The following ZNF385D variants were observed in gnomAD, a reference collection of about 807,000 sequenced individuals.
The protein encoded by ZNF385D is zinc finger protein 385D.
Under a neutral mutation model 35.8 loss-of-function variants are expected in ZNF385D, and 15 were observed. The ratio of observed to expected loss-of-function variants is 0.42; its 90% confidence interval spans 0.28 to 0.64. The LOEUF (loss-of-function observed/expected upper bound fraction) is 0.64, where lower values mean the gene tolerates loss of function less well. ZNF385D is among the 30% of genes least tolerant of loss of function. The probability of loss-of-function intolerance (pLI) is 0.23; values close to 1 mark genes in which losing one functional copy is unlikely to be tolerated. For missense variants in ZNF385D, 474 were observed against 494.6 expected (o/e 0.96, Z 0.39); for synonymous variants, 212 against 186.8 (o/e 1.13, Z -1.10).
In ZNF385D at chr3:21,413,403, A is replaced by C. The variant is rs1023546916; in HGVS notation, c.*7811T>G. On this transcript the variant is annotated 3_prime_UTR_variant, in exon 8 of 8. Transcript: ENST00000281523. ...AAGGTGGCATCACTGTGGCTGACCA[A>C]TGATTCGGAATCTCACATTGGTGTG... The C allele has an allele frequency of 1.3e-5, 2 of 152,126 alleles. No individual in the cohort carries two copies. The highest frequency in any genetic ancestry group is 2.9e-5 in the Non-Finnish European group (2 of 67,982). 9.4% of individuals were successfully genotyped at this position (152,126 alleles called of 1,614,324 possible).
chr3:22,362,061 T>G (rs974815626), intron 2 of ZNF385D, among the ~76,000 whole-genome samples: 6 of 151,416 alleles, frequency 4.0e-5, no homozygotes, highest in Admixed American at 2.6e-4. Context: ...AATATGGATG[T>G]ATGCTATTTG....
Position 21,564,586 on chromosome 3 carries a change from T to C in ZNF385D, c.264A>G (p.Arg88=), listed in dbSNP as rs1439491881. ...QIISCNICQL[R]FNSDSQAAAH... Reference sequence around the variant, plus strand: ...ATGATAAACTTACATCAGAATTAAATCTCAACTGGCAAATGTTGCATGATA... The same window carrying C: ...ATGATAAACTTACATCAGAATTAAACCTCAACTGGCAAATGTTGCATGATA... The change falls in exon 3 of 8, where the codon AGA becomes AGG. Residue 88 remains arginine, a synonymous_variant. Transcript: ENST00000281523. 3 of 1,545,024 alleles carry C rather than the reference T, an allele frequency of 1.9e-6. No individual in the cohort carries two copies. Among genetic ancestry groups the C allele is most frequent in the Non-Finnish European group, 2.6e-6 (3 of 1,145,192 alleles).
intron 3 of ZNF385D, among the ~76,000 whole-genome samples, chr3:22,158,147 C>G (rs74666618): frequency 3.3e-4 from 50 of 152,208 alleles, no homozygotes; most frequent in African/African-American, 1.0e-3. Context: ...TTTCTGACAT[C>G]TCCGGTTTAT....
At chr3:21,910,453 G>C (rs2125912259) in intron 3 of ZNF385D, among the ~76,000 whole-genome samples, 1 of 151,964 alleles carries the variant, frequency 6.6e-6, no homozygotes, top group South Asian at 2.1e-4. Context: ...GAAATATTAA[G>C]TCTTGTTTGC....
At chr3:22,135,423 C>T (rs1704045850) in intron 3 of ZNF385D, among the ~76,000 whole-genome samples, 1 of 152,052 alleles carries the variant, frequency 6.6e-6, no homozygotes, top group African/African-American at 2.4e-5. Context: ...TAGTTTCAAA[C>T]ACTGTAACAC....
At chr3:22,178,176 G>A (rs918937612) in intron 2 of ZNF385D, among the ~76,000 whole-genome samples, 1 of 152,150 alleles carries the variant, frequency 6.6e-6, no homozygotes, top group African/African-American at 2.4e-5. Flanking sequence ...TTCCACAATG[G>A]TTGAACTAGT....
intron 3 of ZNF385D, among the ~76,000 whole-genome samples, chr3:21,853,141 G>A (rs570154688): frequency 1.3e-5 from 2 of 150,310 alleles, no homozygotes; most frequent in Admixed American, 6.6e-5. Context: ...TACATTTAGA[G>A]TAGGGTTTAA....
intron 3 of ZNF385D, among the ~76,000 whole-genome samples, chr3:22,149,198 G>A (rs1007122540): frequency 2.6e-5 from 4 of 152,040 alleles, no homozygotes; most frequent in African/African-American, 9.7e-5. Context: ...GAGGAACCCT[G>A]AAATATTTCT....
intron 2 of ZNF385D, among the ~76,000 whole-genome samples, chr3:22,315,085 G>C (rs79979771): frequency 2.0e-5 from 3 of 152,128 alleles, no homozygotes; most frequent in Admixed American, 1.3e-4. Context: ...TATCGTGATA[G>C]GTAATATTCA....
chr3:21,847,125 C>T (rs1696058057), intron 3 of ZNF385D, among the ~76,000 whole-genome samples: 1 of 152,016 alleles, frequency 6.6e-6, no homozygotes. Context: ...CTCTGGAAAT[C>T]CAGATGCTAA....
chr3:22,109,959 C>T (rs1702424359), intron 3 of ZNF385D, among the ~76,000 whole-genome samples: 2 of 152,054 alleles, frequency 1.3e-5, no homozygotes. Flanking sequence ...AAAACAAACC[C>T]ATCAACAAGT....
At chr3:22,301,514 C>T (rs1277781800) in intron 2 of ZNF385D, among the ~76,000 whole-genome samples, 2 of 151,918 alleles carry the variant, frequency 1.3e-5, no homozygotes, top group African/African-American at 2.4e-5. Flanking sequence ...TATTTCAAAA[C>T]ATCATATTGT....
At position 21,738,038 on chromosome 3, in the gene ZNF385D, A is replaced by T. The variant is rs114636339; in HGVS notation, c.22+12857T>A. Among the ~76,000 whole-genome samples the T allele has an allele frequency of 7.0e-3, 1,071 of 152,316 alleles. 14 individuals are homozygous for T. The highest frequency in any genetic ancestry group is 0.024 in the African/African-American group (1,014 of 41,564). On this transcript the variant is annotated intron_variant, in intron 1 of 7. Transcript: ENST00000281523. The stretch of plus-strand genomic sequence containing the variant: ...TCCATGAACAGGATTTTATATCTCC[A>T]GCCCTGTGCAGACTTCCTGAAAGGG...
intron 5 of ZNF385D, among the ~76,000 whole-genome samples, chr3:21,427,907 C>T (rs897883867): frequency 9.2e-5 from 14 of 152,104 alleles, no homozygotes; most frequent in Admixed American, 3.9e-4. Context: ...CACAGGTATA[C>T]ATATGATTAA....
chr3:22,131,023 G>A (rs890838688), intron 3 of ZNF385D, among the ~76,000 whole-genome samples: 4 of 152,106 alleles, frequency 2.6e-5, no homozygotes, highest in African/African-American at 9.7e-5. Context: ...CATGCTTAGA[G>A]AACAGTTAAA....
intron 3 of ZNF385D, among the ~76,000 whole-genome samples, chr3:21,518,353 A>G (rs1707707246): frequency 6.6e-6 from 1 of 152,164 alleles, no homozygotes; most frequent in Non-Finnish European, 1.5e-5. Context: ...ATTACATATG[A>G]GTGCTTTCCA....
intron 2 of ZNF385D, among the ~76,000 whole-genome samples, chr3:22,236,674 T>G (rs1699201587): frequency 6.6e-6 from 1 of 152,194 alleles, no homozygotes; most frequent in Admixed American, 6.6e-5. Context: ...TTTTCATCAC[T>G]ACAAAATGAA....
chr3:22,335,051 A>C (rs1025778984), intron 2 of ZNF385D, among the ~76,000 whole-genome samples: 2 of 152,200 alleles, frequency 1.3e-5, no homozygotes, highest in African/African-American at 4.8e-5. Context: ...TGGAAAGATC[A>C]GAAATAAATG....
intron 2 of ZNF385D, chr3:21,579,252 G>C (rs111636128): frequency 6.6e-6 from 1 of 152,138 alleles, no homozygotes; most frequent in Admixed American, 6.6e-5. Flanking sequence ...TAATTGAAAA[G>C]GAAATATATT....
Sources: allele counts gnomAD v4.1 joint callset (sites outside exome capture counted in the v4.1 genomes callset), GRCh38; gene constraint gnomAD v4.1.1; transcripts MANE v1.5; gene names NCBI Gene and HGNC (gene_info 2026-07-23, HGNC 2026-07-21).